NXN: variants seen among roughly 807,000 people sequenced by gnomAD.
NXN encodes nucleoredoxin.
NXN carries 16 observed loss-of-function variants against 48.6 expected under a neutral mutation model. The observed-to-expected ratio is 0.33, with a 90% CI of 0.22 to 0.50. NXN has a LOEUF of 0.50. NXN is among the 20% of genes least tolerant of loss of function. The pLI, the probability that NXN is intolerant of heterozygous loss-of-function variation, is 0.98. For synonymous variants in NXN, 281 were observed against 269.6 expected (o/e 1.04, Z -0.41); for missense variants, 492 against 605.5 (o/e 0.81, Z 1.97).
At chr17:854,654 CAAA>C (rs538020306) in intron 1 of NXN, among the ~76,000 whole-genome samples, 2 of 62,086 alleles carry the variant, frequency 3.2e-5, no homozygotes, top group African/African-American at 5.9e-5. Context: ...GACTCTGTCT[CAAA>C]AAAAAAAAAA....
At chr17:878,717 T>C (rs901647747) in intron 1 of NXN, among the ~76,000 whole-genome samples, 6 of 151,976 alleles carry the variant, frequency 3.9e-5, no homozygotes, top group African/African-American at 1.5e-4. Flanking sequence ...TGCCCCAACC[T>C]GATTGAACCC....
At chr17:883,995 G>A (rs964137268) in intron 1 of NXN, among the ~76,000 whole-genome samples, 1 of 152,130 alleles carries the variant, frequency 6.6e-6, no homozygotes, top group African/African-American at 2.4e-5. Context: ...AAGACGGGCG[G>A]ATCACGAGGT....
In NXN at chr17:810,125, G is replaced by C. The variant is rs1231760674; in HGVS notation, c.821-4878C>G. Among the ~76,000 whole-genome samples, 166 of 118,946 alleles carry C rather than the reference G, an allele frequency of 1.4e-3. 3 individuals are homozygous for C. Among genetic ancestry groups the C allele is most frequent in the African/African-American group, 4.2e-3 (127 of 29,948 alleles). The allele number at this position is 118,946 out of a possible 152,430, so 78.0% of individuals were successfully genotyped here. A position where few individuals can be genotyped will look rare whatever the true frequency, so the allele number is the denominator to read the frequency against. On this transcript the variant is annotated intron_variant, in intron 5 of 7. Coordinates refer to ENST00000336868, the MANE Select transcript of NXN (RefSeq NM_022463.5). Reference sequence around the variant, plus strand: ...GCGTGCACGTTACGAGTCCGTGTGAGTGGCGTGCACGTTACGAGTCTGTGA... The same window carrying C: ...GCGTGCACGTTACGAGTCCGTGTGACTGGCGTGCACGTTACGAGTCTGTGA...
intron 1 of NXN, among the ~76,000 whole-genome samples, chr17:846,919 T>A (rs1297290682): frequency 6.6e-6 from 1 of 152,136 alleles, no homozygotes; most frequent in Non-Finnish European, 1.5e-5. Context: ...TCAGATTATT[T>A]GAAGAGAAAC....
intron 1 of NXN, among the ~76,000 whole-genome samples, chr17:835,269 C>T (rs1454770853): frequency 1.9e-4 from 28 of 149,438 alleles, no homozygotes; most frequent in Admixed American, 1.5e-3. Flanking sequence ...GATCGTGCCA[C>T]TGCACTCCAG....
intron 1 of NXN, among the ~76,000 whole-genome samples, chr17:967,877 CAGG>C (rs2069325659): frequency 6.6e-6 from 1 of 151,488 alleles, no homozygotes; most frequent in South Asian, 2.1e-4. Context: ...GAGGCTGAGG[CAGG>C]AGAATGGTGT....
rs1456587263 is a variant in NXN, at chr17:956,309, A to G, written c.360+23010T>C. On this transcript the variant is annotated intron_variant, in intron 1 of 7. Coordinates refer to ENST00000336868, the MANE Select transcript of NXN (RefSeq NM_022463.5). This position sits in a 1 kb window ranked among gnomAD's most constrained non-coding sequence, Gnocchi z 4.1. ...TAAGAAGGACACAAGGAGGAAAGACAGTTTCTCTGCCCTCAGGAAACCATC... is the reference window on the plus strand; with the variant it reads ...TAAGAAGGACACAAGGAGGAAAGACGGTTTCTCTGCCCTCAGGAAACCATC... Among the ~76,000 whole-genome samples the G allele has an allele frequency of 6.6e-6, 1 of 152,200 alleles. No individual in the cohort carries two copies. The highest frequency in any genetic ancestry group is 1.5e-5 in the Non-Finnish European group (1 of 68,040).
chr17:959,516 G>T (rs976212642), intron 1 of NXN: 10 of 156,642 alleles, frequency 6.4e-5, no homozygotes, highest in Non-Finnish European at 1.4e-4. Context: ...GGTGAAATAG[G>T]CCAGGCGCAG....
intron 1 of NXN, among the ~76,000 whole-genome samples, chr17:878,567 T>C (rs981345982): frequency 4.0e-5 from 6 of 150,720 alleles, no homozygotes; most frequent in Middle Eastern, 3.4e-3. Context: ...GGAGTTTGGG[T>C]TGGATCCACC....
chr17:816,991 T>C (rs374104454), intron 5 of NXN, among the ~76,000 whole-genome samples: 7 of 152,294 alleles, frequency 4.6e-5, no homozygotes, highest in East Asian at 1.9e-4. Context: ...TGGGGCCTTT[T>C]CTTCTGGTCC....
At chr17:940,717 C>A (rs1193479098) in intron 1 of NXN, among the ~76,000 whole-genome samples, 2 of 150,974 alleles carry the variant, frequency 1.3e-5, no homozygotes, top group Non-Finnish European at 2.9e-5. Context: ...TCACCAAACA[C>A]CTTCCTGGAT....
intron 1 of NXN, among the ~76,000 whole-genome samples, chr17:969,261 T>C (rs2069343633): frequency 6.6e-6 from 1 of 152,116 alleles, no homozygotes; most frequent in South Asian, 2.1e-4. Flanking sequence ...ATCATCTCCA[T>C]TTTACTCACC....
At chr17:891,367 C>T (rs896357766) in intron 1 of NXN, among the ~76,000 whole-genome samples, 6 of 152,234 alleles carry the variant, frequency 3.9e-5, no homozygotes, top group Non-Finnish European at 8.8e-5. Flanking sequence ...TGCACCCGGC[C>T]TAAATCTCTC....
chr17:948,169 T>G (rs902290051), intron 1 of NXN, among the ~76,000 whole-genome samples: 7 of 152,168 alleles, frequency 4.6e-5, no homozygotes, highest in Non-Finnish European at 7.4e-5. Context: ...TTAGATGTAT[T>G]AGGTATTACT....
intron 5 of NXN, among the ~76,000 whole-genome samples, chr17:814,176 G>A (rs1394778895): frequency 7.8e-6 from 1 of 128,932 alleles, no homozygotes; most frequent in African/African-American, 2.8e-5. Context: ...GCAGGAGAAC[G>A]GCGTGAACCC....
intron 1 of NXN, among the ~76,000 whole-genome samples, chr17:944,237 C>A (rs2069016831): frequency 6.6e-6 from 1 of 152,110 alleles, no homozygotes; most frequent in South Asian, 2.1e-4. Flanking sequence ...GAAACTCCAT[C>A]TCAGAAAAAA....
At chr17:892,916 T>C (rs2144873711) in intron 1 of NXN, among the ~76,000 whole-genome samples, 1 of 152,310 alleles carries the variant, frequency 6.6e-6, no homozygotes, top group African/African-American at 2.4e-5. Flanking sequence ...GCCCCTCAGT[T>C]GTAACAAATG....
At chr17:853,317 G>A (rs867217454) in intron 1 of NXN, among the ~76,000 whole-genome samples, 71 of 152,038 alleles carry the variant, frequency 4.7e-4, no homozygotes, top group African/African-American at 1.5e-3. Context: ...GGTGGTGCAC[G>A]CACGCCTGTA....
chr17:817,315 T>A (rs1912523237), intron 5 of NXN, among the ~76,000 whole-genome samples: 2 of 152,156 alleles, frequency 1.3e-5, no homozygotes, highest in African/African-American at 4.8e-5. Flanking sequence ...TTATTTTTTT[T>A]AAAACTTCTG....
Sources: gnomAD v4.1 joint callset for allele counts (sites outside exome capture counted in the v4.1 genomes callset) on GRCh38, gnomAD v4.1.1 for gene constraint, Gnocchi (gnomAD v3.1) non-coding constraint, MANE v1.5 for transcripts, NCBI Gene and HGNC (gene_info 2026-07-23, HGNC 2026-07-21) for gene names.